Variants in RAMP3 observed in about 807,000 individuals in gnomAD.
RAMP3 encodes the protein receptor activity modifying protein 3.
Under a neutral mutation model 13.5 loss-of-function variants are expected in RAMP3, and 14 were observed. That is an observed-to-expected ratio of 1.04 (90% CI 0.69 to 1.63). The LOEUF is 1.63. Ranked by LOEUF, RAMP3 falls within the 40% of genes most tolerant of loss-of-function variation. RAMP3 has a pLI of 0.00. For missense variants in RAMP3, 200 were observed against 204.8 expected, an observed-to-expected ratio of 0.98 and a Z score of 0.14; for synonymous variants, 106 against 88.3, an observed-to-expected ratio of 1.20 and a Z score of -1.12.
intron 1 of RAMP3, among the ~76,000 whole-genome samples, chr7:45,171,596 A>T (rs2128656981): frequency 6.6e-6 from 1 of 152,060 alleles, no homozygotes; most frequent in African/African-American, 2.4e-5. Flanking sequence ...TCTAATAAAA[A>T]ATTATTTTAT....
At chr7:45,164,385 A>T (rs1011062952) in intron 1 of RAMP3, among the ~76,000 whole-genome samples, 3 of 150,096 alleles carry the variant, frequency 2.0e-5, no homozygotes, top group Admixed American at 6.6e-5. Context: ...CAAAAAAAAA[A>T]TTAGCTGAGT....
Position 45,172,667 on chromosome 7 carries a change from G to C in RAMP3, c.59-4642G>C, listed in dbSNP as rs111321169. Among the ~76,000 whole-genome samples, 967 of 152,256 alleles carry C rather than the reference G, an allele frequency of 6.4e-3. 8 individuals are homozygous for C. The highest frequency in any genetic ancestry group is 0.022 in the African/African-American group (912 of 41,526). ...ATTTTTGTATTTTTAGTAGAGACAGGGTTTCACCTTGTTGGGTCTTTCTAT... is the reference window on the plus strand; with the variant it reads ...ATTTTTGTATTTTTAGTAGAGACAGCGTTTCACCTTGTTGGGTCTTTCTAT... On this transcript the variant is annotated intron_variant, in intron 1 of 2. Transcript: ENST00000242249.
Position 45,177,367 on chromosome 7 carries a change from G to T in RAMP3, c.117G>T (p.Leu39=), listed in dbSNP as rs373191529. The T allele has an allele frequency of 6.8e-6, 11 of 1,614,044 alleles. No homozygotes were observed. ...NETGMLERLP[L]CGKAFADMMG... ...CAGGCATGTTGGAGAGGCTGCCCCT[G>T]TGTGGGAAGGCTTTCGCAGACATGA... The change falls in exon 2 of 3, where the codon CTG becomes CTT. Residue 39 remains leucine, a synonymous_variant. Transcript: ENST00000242249.
intron 1 of RAMP3, chr7:45,163,297 C>T (rs1191443528): frequency 3.0e-6 from 3 of 985,302 alleles, no homozygotes; most frequent in Non-Finnish European, 3.6e-6. Context: ...TGGGTGGGTT[C>T]ATGAATGGTG....
intron 2 of RAMP3, 56 bp downstream of exon 2, chr7:45,177,497 C>T: frequency 1.9e-6 from 3 of 1,607,196 alleles, no homozygotes; most frequent in South Asian, 1.1e-5. Flanking sequence ...GCCCACTGCC[C>T]AACCACTGCC....
At chr7:45,164,253 A>G (rs549604864) in intron 1 of RAMP3, among the ~76,000 whole-genome samples, 1 of 152,328 alleles carries the variant, frequency 6.6e-6, no homozygotes. Flanking sequence ...AGAGAGGAGT[A>G]TTCTCCAATT....
intron 1 of RAMP3, among the ~76,000 whole-genome samples, chr7:45,174,711 C>T (rs1202419043): frequency 1.3e-5 from 2 of 152,086 alleles, no homozygotes; most frequent in Non-Finnish European, 2.9e-5. Flanking sequence ...GGTGAGACTT[C>T]CTGACACTCT....
chr7:45,177,573 C>G, intron 2 of RAMP3, 132 bp downstream of exon 2: 1 of 1,317,616 alleles, frequency 7.6e-7, no homozygotes, highest in Non-Finnish European at 1.0e-6. Context: ...CCACCGTAGG[C>G]CACCCACAGC....
intron 1 of RAMP3, among the ~76,000 whole-genome samples, chr7:45,166,444 T>A (rs1200962287): frequency 1.3e-5 from 2 of 152,218 alleles, no homozygotes; most frequent in African/African-American, 4.8e-5. Context: ...TGCTTATTGA[T>A]CATTTATATA....
chr7:45,175,200 G>A (rs1313066986), intron 1 of RAMP3, among the ~76,000 whole-genome samples: 4 of 152,190 alleles, frequency 2.6e-5, no homozygotes, highest in African/African-American at 7.2e-5. Context: ...TCCAGGTGCT[G>A]GAAACCATGC....
chr7:45,183,122 C>G, intron 2 of RAMP3, 35 bp from the exon 3 acceptor site: 3 of 1,601,386 alleles, frequency 1.9e-6, no homozygotes, highest in Non-Finnish European at 2.5e-6. Context: ...GGGGGGATGG[C>G]GAGAGCCTGG....
At chr7:45,163,709 A>C (rs1302723894) in intron 1 of RAMP3, 1 of 985,204 alleles carries the variant, frequency 1.0e-6, no homozygotes, top group Admixed American at 6.1e-5. Flanking sequence ...TGGGGAGACA[A>C]AGGACCAGAA....
chr7:45,160,261 G>A (rs1040837264), intron 1 of RAMP3, among the ~76,000 whole-genome samples: 2 of 141,300 alleles, frequency 1.4e-5, no homozygotes. Flanking sequence ...GAACCTGGAA[G>A]GCGGAGATTG....
At chr7:45,177,162 G>GGGTGA in intron 1 of RAMP3, 147 bp from the exon 2 acceptor site, 6 of 971,390 alleles carry the variant, frequency 6.2e-6, no homozygotes, top group Non-Finnish European at 9.1e-6. Flanking sequence ...GGTCAGGGTG[G>GGGTGA]AGGGTGAAGG....
chr7:45,177,078 G>A (rs762319734), intron 1 of RAMP3, among the ~76,000 whole-genome samples: 3 of 152,232 alleles, frequency 2.0e-5, no homozygotes, highest in East Asian at 3.9e-4. Flanking sequence ...GTGAGGCGGT[G>A]AAGTGAAAAG....
In RAMP3 at chr7:45,183,529, C is replaced by A; in HGVS notation, c.*117C>A. 1 of 1,437,086 alleles carries A rather than the reference C, an allele frequency of 7.0e-7. No homozygotes were observed. Among genetic ancestry groups the A allele is most frequent in the Non-Finnish European group, 9.5e-7 (1 of 1,052,454 alleles). 89.0% of individuals were successfully genotyped at this position (1,437,086 alleles called of 1,614,324 possible). On this transcript the variant is annotated 3_prime_UTR_variant, in exon 3 of 3. Transcript: ENST00000242249. ...CTACTGTGGCCACACCCCACCTGGT[C>A]ATGGGCAGACCCCTCCCTTCCTGGG... is the stretch of plus-strand genomic sequence containing the variant.
At chr7:45,166,585 T>C (rs1034924104) in intron 1 of RAMP3, among the ~76,000 whole-genome samples, 1 of 152,202 alleles carries the variant, frequency 6.6e-6, no homozygotes, top group East Asian at 1.9e-4. Flanking sequence ...ACAACTTGCA[T>C]ATATTTTCTT....
At chr7:45,169,210 C>A (rs1443762576) in intron 1 of RAMP3, among the ~76,000 whole-genome samples, 1 of 152,130 alleles carries the variant, frequency 6.6e-6, no homozygotes, top group Non-Finnish European at 1.5e-5. Context: ...TATTCAGAAG[C>A]AATATTGGCC....
chr7:45,182,134 G>A (rs1193138164), intron 2 of RAMP3, among the ~76,000 whole-genome samples: 1 of 152,200 alleles, frequency 6.6e-6, no homozygotes, highest in Admixed American at 6.5e-5. Flanking sequence ...GGCCAGATCA[G>A]TGGCTCCCTC....
Sources: gnomAD v4.1 joint callset for allele counts (sites outside exome capture counted in the v4.1 genomes callset) on GRCh38, gnomAD v4.1.1 for gene constraint, MANE v1.5 for transcripts, NCBI Gene and HGNC (gene_info 2026-07-23, HGNC 2026-07-21) for gene names.